Variants in NR2C2 observed in about 807,000 individuals in gnomAD.
The protein encoded by NR2C2 is nuclear receptor subfamily 2 group C member 2, also known as Nuclear hormone receptor TR4.
Under a neutral mutation model 62.9 loss-of-function variants are expected in NR2C2, and 6 were observed. The observed-to-expected ratio is 0.10, with a 90% CI of 0.05 to 0.19. The LOEUF (loss-of-function observed/expected upper bound fraction) is 0.19, where lower values mean the gene tolerates loss of function less well. Among genes scored for constraint, NR2C2 ranks in the 10% least tolerant of loss-of-function variants. The probability of loss-of-function intolerance (pLI) is 1.00; values close to 1 mark genes in which losing one functional copy is unlikely to be tolerated. For missense variants in NR2C2, 479 were observed against 762.7 expected (o/e 0.63, Z 4.38); for synonymous variants, 272 against 273.8 (o/e 0.99, Z 0.07).
chr3:14,953,965 C>T lies in NR2C2; in HGVS notation c.-40+6059C>T, dbSNP rs187046154. Among the ~76,000 whole-genome samples, 130 of 151,040 alleles carry T rather than the reference C, an allele frequency of 8.6e-4. 2 individuals carry two copies. The highest frequency in any genetic ancestry group is 3.1e-3 in the African/African-American group (127 of 41,128). ...TTACACAATACTAGCGGGCTTCATGCTGCATTTCCCCCAGTGTATTTGTTG... is the reference window on the plus strand; with the variant it reads ...TTACACAATACTAGCGGGCTTCATGTTGCATTTCCCCCAGTGTATTTGTTG... On this transcript the variant is annotated intron_variant, in intron 1 of 13. Coordinates refer to ENST00000425241, the MANE Select transcript of NR2C2 (RefSeq NM_001291694.2).
intron 1 of NR2C2, among the ~76,000 whole-genome samples, chr3:14,969,060 G>A (rs1208594092): frequency 1.4e-4 from 20 of 147,680 alleles, no homozygotes; most frequent in South Asian, 2.2e-4. Context: ...TGGGTGCAGC[G>A]CACCAGCATG....
At chr3:14,977,080 T>A (rs1477789393) in intron 1 of NR2C2, among the ~76,000 whole-genome samples, 4 of 152,228 alleles carry the variant, frequency 2.6e-5, no homozygotes, top group Non-Finnish European at 4.4e-5. Context: ...AGTTTTTTTC[T>A]AGTCTCTTTT....
At chr3:14,976,085 T>A (rs34771866) in intron 1 of NR2C2, among the ~76,000 whole-genome samples, 16,138 of 152,192 alleles carry the variant, frequency 0.11, 1,050 homozygotes, top group Middle Eastern at 0.17. Flanking sequence ...AGATTTTCTG[T>A]TCCTTCATGA....
At chr3:15,034,538 C>G (rs1287309821) in intron 10 of NR2C2, 132 bp from the exon 11 acceptor site, 3 of 805,528 alleles carry the variant, frequency 3.7e-6, no homozygotes, top group Non-Finnish European at 5.8e-6. Flanking sequence ...AAGAATGATC[C>G]TGGATAGCAC....
At chr3:14,993,162 T>TG (rs1211925059) in intron 1 of NR2C2, among the ~76,000 whole-genome samples, 1 of 152,064 alleles carries the variant, frequency 6.6e-6, no homozygotes, top group Non-Finnish European at 1.5e-5. Flanking sequence ...AAAATATTTC[T>TG]GGGAAAAAAG....
At chr3:14,985,563 T>C (rs1344016321) in intron 1 of NR2C2, among the ~76,000 whole-genome samples, 2 of 152,202 alleles carry the variant, frequency 1.3e-5, no homozygotes, top group African/African-American at 2.4e-5. Context: ...TCCATGTTTA[T>C]GTAGCTATAG....
intron 1 of NR2C2, among the ~76,000 whole-genome samples, chr3:14,980,435 T>A (rs966754996): frequency 6.6e-6 from 1 of 152,182 alleles, no homozygotes; most frequent in Non-Finnish European, 1.5e-5. Context: ...AGTGTTAGGA[T>A]TATAGGTGTG....
At chr3:15,001,721 A>C (rs1175938901) in intron 1 of NR2C2, among the ~76,000 whole-genome samples, 1 of 152,132 alleles carries the variant, frequency 6.6e-6, no homozygotes, top group East Asian at 1.9e-4. Flanking sequence ...GGCTCAAGCA[A>C]TCCTCCCACC....
chr3:14,985,644 T>C (rs1216198870), intron 1 of NR2C2, among the ~76,000 whole-genome samples: 1 of 152,184 alleles, frequency 6.6e-6, no homozygotes, highest in Non-Finnish European at 1.5e-5. Context: ...AGCTGATTCT[T>C]TTAACTGTCT....
Position 14,949,462 on chromosome 3 carries a change from A to G in NR2C2, c.-40+1556A>G, listed in dbSNP as rs536860147. Among the ~76,000 whole-genome samples, 4 of 152,304 alleles carry G rather than the reference A, an allele frequency of 2.6e-5. No individual in the cohort carries two copies. In the South Asian group the frequency reaches 8.3e-4, roughly 32 times the overall value. ...GGAACTAGTAATTGTCCATTATCCC[A>G]CTTTGTTTCCAAGCCAAAGGCTGTG... On this transcript the variant is annotated intron_variant, in intron 1 of 13. Coordinates refer to ENST00000425241, the MANE Select transcript of NR2C2 (RefSeq NM_001291694.2).
Position 15,031,005 on chromosome 3 carries a change from G to A in NR2C2, c.1110+553G>A, listed in dbSNP as rs564132052. ...TTCTGAAGGTAACCATGAAGCAGGC[G>A]TGGCCCATCATTACTAAGACAGGCT... On this transcript the variant is annotated intron_variant, in intron 9 of 13. Transcript: ENST00000425241. Among the ~76,000 whole-genome samples the A allele has an allele frequency of 7.9e-5, 12 of 152,240 alleles. No individual in the cohort carries two copies. The East Asian group carries it at 1.7e-3, about 22-fold the overall frequency.
intron 2 of NR2C2, among the ~76,000 whole-genome samples, chr3:15,006,936 A>G (rs1208434698): frequency 2.0e-5 from 3 of 150,478 alleles, no homozygotes; most frequent in African/African-American, 7.3e-5. Context: ...CCACCACGCC[A>G]GGCTAATTTT....
At chr3:14,991,481 C>T (rs1160697532) in intron 1 of NR2C2, among the ~76,000 whole-genome samples, 1 of 152,094 alleles carries the variant, frequency 6.6e-6, no homozygotes, top group East Asian at 1.9e-4. Flanking sequence ...GGAGGTGTCC[C>T]CTGCCTAACA....
At chr3:14,967,450 A>G (rs1260485593) in intron 1 of NR2C2, among the ~76,000 whole-genome samples, 1 of 152,168 alleles carries the variant, frequency 6.6e-6, no homozygotes, top group Admixed American at 6.6e-5. Context: ...AGGAAGTGGA[A>G]AAATTGGAAA....
chr3:15,004,536 A>G (rs760385321), intron 2 of NR2C2: 1 of 1,601,954 alleles, frequency 6.2e-7, no homozygotes. Context: ...ATATTCACTT[A>G]TGGGAAGTTG....
At chr3:15,007,379 G>C (rs7627102) in intron 2 of NR2C2, among the ~76,000 whole-genome samples, 2,937 of 151,942 alleles carry the variant, frequency 0.019, 93 homozygotes, top group African/African-American at 0.067. Context: ...CGCCTGCCTC[G>C]GCCTCCCAAA....
intron 1 of NR2C2, among the ~76,000 whole-genome samples, chr3:14,950,920 T>C (rs949389848): frequency 6.6e-6 from 1 of 152,242 alleles, no homozygotes; most frequent in Non-Finnish European, 1.5e-5. Flanking sequence ...CGGTATTTGG[T>C]TGAATTTAGC....
intron 4 of NR2C2, among the ~76,000 whole-genome samples, chr3:15,020,160 C>T (rs76363133): frequency 0.018 from 2,752 of 151,730 alleles, 36 homozygotes; most frequent in Middle Eastern, 0.048. Context: ...CAGGTGGAAC[C>T]ATATGGTAAT....
At chr3:14,983,901 T>C (rs1032321919) in intron 1 of NR2C2, among the ~76,000 whole-genome samples, 1 of 152,142 alleles carries the variant, frequency 6.6e-6, no homozygotes, top group African/African-American at 2.4e-5. Context: ...TATTTTTTTA[T>C]TTTTGAGATG....
Sources: gnomAD v4.1 joint callset for allele counts (sites outside exome capture counted in the v4.1 genomes callset) on GRCh38, gnomAD v4.1.1 for gene constraint, MANE v1.5 for transcripts, NCBI Gene and HGNC (gene_info 2026-07-23, HGNC 2026-07-21) for gene names.